UNC5C: variants seen among roughly 807,000 people sequenced by gnomAD.
UNC5C encodes the protein netrin receptor UNC5C.
A neutral mutation model predicts 99.8 loss-of-function variants in UNC5C; 47 were observed. The observed-to-expected ratio is 0.47, with a 90% CI of 0.37 to 0.60. UNC5C has a LOEUF of 0.60. Ranked by LOEUF, UNC5C falls within the 20% of genes least tolerant of loss-of-function variation. UNC5C has a pLI of 0.00. For synonymous variants in UNC5C, 487 were observed against 452.2 expected, an observed-to-expected ratio of 1.08 and a Z score of -0.98; for missense variants, 1,062 against 1,165.9, an observed-to-expected ratio of 0.91 and a Z score of 1.30.
intron 10 of UNC5C, among the ~76,000 whole-genome samples, chr4:95,209,326 A>G (rs1737994928): frequency 6.6e-6 from 1 of 152,228 alleles, no homozygotes; most frequent in Non-Finnish European, 1.5e-5. Context: ...GTAGCTCACA[A>G]GTAAGTTTGT....
In UNC5C at chr4:95,444,063, G is replaced by C. The variant is rs17023892; in HGVS notation, c.124+104671C>G. On this transcript the variant is annotated intron_variant, in intron 1 of 15. Transcript: ENST00000453304. ...TAGCGCATCTCCATATATGCTAATG[G>C]TCTCCTGAATATCCTTTGAGAGCAT... Among the ~76,000 whole-genome samples, 850 of 152,266 alleles carry C rather than the reference G, an allele frequency of 5.6e-3. 9 individuals carry two copies. Among genetic ancestry groups the C allele is most frequent in the African/African-American group, 0.019 (785 of 41,542 alleles).
intron 1 of UNC5C, among the ~76,000 whole-genome samples, chr4:95,501,779 A>C (rs968818646): frequency 2.6e-5 from 4 of 152,112 alleles, no homozygotes; most frequent in African/African-American, 9.7e-5. Context: ...GTTTTGAGGG[A>C]GTTTTGAATT....
chr4:95,203,168 CTTT>C (rs1737751244), intron 11 of UNC5C, among the ~76,000 whole-genome samples: 3 of 152,104 alleles, frequency 2.0e-5, no homozygotes, highest in Non-Finnish European at 4.4e-5. Context: ...ATTTAGATGT[CTTT>C]CAGTTTGCAT....
chr4:95,391,339 G>A (rs1177550158), intron 1 of UNC5C, among the ~76,000 whole-genome samples: 1 of 152,180 alleles, frequency 6.6e-6, no homozygotes, highest in Non-Finnish European at 1.5e-5. Flanking sequence ...GAACTCAAGT[G>A]ATCCTTCTGC....
intron 1 of UNC5C, among the ~76,000 whole-genome samples, chr4:95,453,606 T>C (rs1403283978): frequency 6.6e-6 from 1 of 152,130 alleles, no homozygotes; most frequent in South Asian, 2.1e-4. Flanking sequence ...TCTCTTCCTG[T>C]TCCCCTTCAT....
At chr4:95,512,114 G>A (rs1722092109) in intron 1 of UNC5C, among the ~76,000 whole-genome samples, 2 of 152,108 alleles carry the variant, frequency 1.3e-5, no homozygotes, top group Admixed American at 6.6e-5. Context: ...AGAAGGTGGA[G>A]GACCTGGCAT....
intron 5 of UNC5C, chr4:95,248,585 G>A: frequency 4.4e-6 from 2 of 454,132 alleles, no homozygotes; most frequent in Non-Finnish European, 4.4e-6. Flanking sequence ...AGGACTAGCA[G>A]AGTGATCTTG....
chr4:95,384,148 G>C (rs929886913), intron 1 of UNC5C, among the ~76,000 whole-genome samples: 8 of 152,110 alleles, frequency 5.3e-5, no homozygotes, highest in African/African-American at 1.9e-4. Context: ...ATTATGTACA[G>C]ATATAAGGGC....
chr4:95,277,275 A>C (rs148970232), intron 4 of UNC5C, among the ~76,000 whole-genome samples: 42 of 152,316 alleles, frequency 2.8e-4, no homozygotes, highest in African/African-American at 9.4e-4. Flanking sequence ...CTTTCAACAC[A>C]TGCAATAGAG....
intron 1 of UNC5C, among the ~76,000 whole-genome samples, chr4:95,487,877 G>A (rs535217970): frequency 3.3e-5 from 5 of 151,692 alleles, no homozygotes; most frequent in Admixed American, 6.6e-5. Flanking sequence ...ATTCCTTATC[G>A]ATTAACTCCT....
chr4:95,458,975 T>TTTC (rs1204926998), intron 1 of UNC5C, among the ~76,000 whole-genome samples: 1 of 152,134 alleles, frequency 6.6e-6, no homozygotes, highest in Non-Finnish European at 1.5e-5. Flanking sequence ...TCTAAAAAGA[T>TTTC]TTCTAGTTAC....
At chr4:95,194,589 C>T (rs1560725493) in intron 12 of UNC5C, among the ~76,000 whole-genome samples, 1 of 152,078 alleles carries the variant, frequency 6.6e-6, no homozygotes, top group Non-Finnish European at 1.5e-5. Context: ...TCTTCAAATC[C>T]AACAATGACA....
chr4:95,391,731 A>G (rs1043965798), intron 1 of UNC5C, among the ~76,000 whole-genome samples: 4 of 151,538 alleles, frequency 2.6e-5, no homozygotes, highest in Admixed American at 2.0e-4. Flanking sequence ...TCTACAAAAT[A>G]TAAAGTGAGC....
intron 4 of UNC5C, among the ~76,000 whole-genome samples, chr4:95,257,987 T>C (rs1740070870): frequency 6.6e-6 from 1 of 152,214 alleles, no homozygotes; most frequent in African/African-American, 2.4e-5. Flanking sequence ...ATGTAAAGGA[T>C]TGTCTGAATC....
intron 1 of UNC5C, among the ~76,000 whole-genome samples, chr4:95,383,962 A>G (rs1157251632): frequency 1.3e-5 from 2 of 152,210 alleles, no homozygotes; most frequent in Non-Finnish European, 2.9e-5. Context: ...TTTGGTTAAA[A>G]AATGGGAACT....
intron 2 of UNC5C, among the ~76,000 whole-genome samples, chr4:95,304,286 G>A (rs971711667): frequency 1.3e-5 from 2 of 152,136 alleles, no homozygotes; most frequent in African/African-American, 2.4e-5. Context: ...ATATTAACCA[G>A]TTTAAAAAGA....
intron 4 of UNC5C, among the ~76,000 whole-genome samples, chr4:95,257,374 A>C (rs1315971325): frequency 6.6e-6 from 1 of 152,156 alleles, no homozygotes; most frequent in Non-Finnish European, 1.5e-5. Context: ...ACTGCACTCC[A>C]GCCTGGGTGA....
intron 7 of UNC5C, among the ~76,000 whole-genome samples, chr4:95,239,790 C>T (rs1466503976): frequency 2.0e-5 from 3 of 152,074 alleles, no homozygotes; most frequent in Admixed American, 6.6e-5. Context: ...TATCTGAATT[C>T]GTTTTGAACA....
chr4:95,219,945 A>G, intron 8 of UNC5C, 40 bp downstream of exon 8: 5 of 1,587,810 alleles, frequency 3.1e-6, no homozygotes, highest in East Asian at 2.2e-5. Flanking sequence ...AACTGCTTAC[A>G]TGCATAAGTA....
Sources: allele counts gnomAD v4.1 joint callset (sites outside exome capture counted in the v4.1 genomes callset), GRCh38; gene constraint gnomAD v4.1.1; transcripts MANE v1.5; gene names NCBI Gene and HGNC (gene_info 2026-07-23, HGNC 2026-07-21).